IGFBP2: variants seen among roughly 807,000 people sequenced by gnomAD.
The protein encoded by IGFBP2 is insulin-like growth factor-binding protein 2.
In IGFBP2, 12 loss-of-function variants were observed where a neutral mutation model predicts 26.2. The ratio of observed to expected loss-of-function variants is 0.46; its 90% CI spans 0.29 to 0.74. The LOEUF is 0.74. Among genes scored for constraint, IGFBP2 ranks in the 30% least tolerant of loss-of-function variants. The pLI is 0.09. For synonymous variants in IGFBP2, 189 were observed against 200.6 expected (o/e 0.94, Z 0.49); for missense variants, 328 against 441.2 (o/e 0.74, Z 2.30).
intron 1 of IGFBP2, among the ~76,000 whole-genome samples, chr2:216,652,451 C>T (rs909575675): frequency 2.0e-5 from 3 of 152,268 alleles, no homozygotes; most frequent in Non-Finnish European, 4.4e-5. Flanking sequence ...GCTGGGATTA[C>T]AGGCGTGAGC....
At chr2:216,638,315 G>C (rs1225319888) in intron 1 of IGFBP2, among the ~76,000 whole-genome samples, 3 of 151,722 alleles carry the variant, frequency 2.0e-5, no homozygotes, top group Non-Finnish European at 4.4e-5. Flanking sequence ...GACCAGCCTG[G>C]CTAACATAGT....
chr2:216,654,078 G>GA (rs890089033), intron 1 of IGFBP2, among the ~76,000 whole-genome samples: 10 of 152,048 alleles, frequency 6.6e-5, no homozygotes, highest in African/African-American at 1.9e-4. Flanking sequence ...CTCTTAGGCA[G>GA]AAAAAAAATA....
intron 1 of IGFBP2, among the ~76,000 whole-genome samples, chr2:216,658,961 G>T (rs751762037): frequency 2.0e-5 from 3 of 152,226 alleles, no homozygotes; most frequent in Non-Finnish European, 4.4e-5. Context: ...CACAGAGAGG[G>T]TCTGTGTGGG....
Position 216,664,017 on chromosome 2 carries a change from C to T in IGFBP2, c.891C>T (p.Ala297=). The T allele has an allele frequency of 1.2e-6, 2 of 1,614,122 alleles. No homozygotes were observed. Among genetic ancestry groups the T allele is most frequent in the Non-Finnish European group, 8.5e-7 (1 of 1,180,012 alleles). The stretch of plus-strand genomic sequence containing the variant: ...ACACCGGGAAGCTGATCCAGGGAGC[C>T]CCCACCATCCGGGGGGACCCCGAGT... ...NPNTGKLIQG[A]PTIRGDPECH... The change falls in exon 4 of 4, where the codon GCC becomes GCT. Residue 297 remains alanine (A), a synonymous_variant. Transcript: ENST00000233809. The surrounding 1 kb of genome is among the most constrained non-coding windows in gnomAD (Gnocchi z 4.6).
intron 1 of IGFBP2, among the ~76,000 whole-genome samples, chr2:216,646,928 A>G (rs575468401): frequency 6.6e-6 from 1 of 152,342 alleles, no homozygotes; most frequent in Non-Finnish European, 1.5e-5. Flanking sequence ...AATTGAGCAC[A>G]TGCTGTGTGT....
chr2:216,641,187 G>A (rs1239231207), intron 1 of IGFBP2, among the ~76,000 whole-genome samples: 1 of 152,172 alleles, frequency 6.6e-6, no homozygotes, highest in Non-Finnish European at 1.5e-5. Context: ...GTATGTTCTT[G>A]TACATGTTAG....
At chr2:216,644,454 A>G (rs1217149904) in intron 1 of IGFBP2, among the ~76,000 whole-genome samples, 2 of 152,142 alleles carry the variant, frequency 1.3e-5, no homozygotes, top group East Asian at 3.9e-4. Flanking sequence ...CTGAGCCAGG[A>G]AGTCAAAGGG....
intron 1 of IGFBP2, among the ~76,000 whole-genome samples, chr2:216,652,456 G>A (rs1159003576): frequency 1.3e-5 from 2 of 152,326 alleles, no homozygotes; most frequent in East Asian, 1.9e-4. Flanking sequence ...GATTACAGGC[G>A]TGAGCCACCG....
intron 1 of IGFBP2, 120 bp downstream of exon 1, chr2:216,634,085 A>G: frequency 7.3e-7 from 1 of 1,377,686 alleles, no homozygotes; most frequent in Middle Eastern, 2.7e-4. Context: ...GGACCAAATC[A>G]AGGGGGACTG....
chr2:216,654,831 C>T (rs1391961570), intron 1 of IGFBP2, among the ~76,000 whole-genome samples: 1 of 152,100 alleles, frequency 6.6e-6, no homozygotes, highest in Non-Finnish European at 1.5e-5. Context: ...CCCTTGAATC[C>T]AGGTGGCCTC....
intron 1 of IGFBP2, among the ~76,000 whole-genome samples, chr2:216,635,556 T>A (rs562865262): frequency 6.6e-6 from 1 of 152,298 alleles, no homozygotes; most frequent in South Asian, 2.1e-4. Flanking sequence ...ATGGTTTGGC[T>A]GCTGACTGTT....
chr2:216,633,693 C>G lies in IGFBP2; in HGVS notation c.170C>G (p.Pro57Arg). The part of the protein sequence containing the change: ...PERLAACGPP[P>R]VAPPAAVAAV... ...CGCCTGGCCGCCTGCGGGCCCCCGC[C>G]GGTTGCGCCGCCCGCCGCGGTGGCC... The change falls in exon 1 of 4, where the codon CCG becomes CGG. Residue 57 changes from proline (P) to arginine (R), a missense_variant. Physicochemically the swap from Pro to Arg is moderately radical, Grantham distance 103. Transcript: ENST00000233809. The G allele has an allele frequency of 8.6e-7, 1 of 1,168,120 alleles. No individual in the cohort carries two copies. The highest frequency in any genetic ancestry group is 1.1e-6 in the Non-Finnish European group (1 of 948,918). The allele number at this position is 1,168,120 out of a possible 1,614,324, so 72.4% of individuals were successfully genotyped here.
rs1019749309 is a variant in IGFBP2, at chr2:216,646,757, G to A, written c.442+12792G>A. Among the ~76,000 whole-genome samples, 33 of 152,116 alleles carry A rather than the reference G, an allele frequency of 2.2e-4. 1 individual carries two copies. The highest frequency in any genetic ancestry group is 1.9e-3 in the Admixed American group (29 of 15,274). On this transcript the variant is annotated intron_variant, in intron 1 of 3. Transcript: ENST00000233809. ...TCTCATGAGACTTGTTCACTATCAC[G>A]AGAACAGCATGGGAAAGACCTACCC...
Position 216,664,118 on chromosome 2 carries a change from G to A in IGFBP2, c.*14G>A, listed in dbSNP as rs767152902. The A allele has an allele frequency of 3.8e-6, 6 of 1,564,552 alleles. No homozygotes were observed. The highest frequency in any genetic ancestry group is 1.8e-5 in the Admixed American group (1 of 55,162). On this transcript the variant is annotated 3_prime_UTR_variant, in exon 4 of 4. Transcript: ENST00000233809. This position sits in a 1 kb window ranked among gnomAD's most constrained non-coding sequence, Gnocchi z 4.6. ...CGGATGCAGTAGACCGCAGCCAGCCGGTGCCTGGCGCCCCTGCCCCCCGCC... is the reference window on the plus strand; with the variant it reads ...CGGATGCAGTAGACCGCAGCCAGCCAGTGCCTGGCGCCCCTGCCCCCCGCC...
At chr2:216,640,792 G>C (rs1229083962) in intron 1 of IGFBP2, among the ~76,000 whole-genome samples, 1 of 152,222 alleles carries the variant, frequency 6.6e-6, no homozygotes, top group Non-Finnish European at 1.5e-5. Context: ...ATGTGCAGGT[G>C]ATGTATGGGG....
chr2:216,658,311 C>T (rs928805224), intron 1 of IGFBP2, among the ~76,000 whole-genome samples: 1 of 152,100 alleles, frequency 6.6e-6, no homozygotes, highest in Non-Finnish European at 1.5e-5. Context: ...GATGATTCTC[C>T]CCTCATCTTG....
Position 216,660,608 on chromosome 2 carries a change from G to A in IGFBP2, c.494G>A (p.Ser165Asn). 1 of 1,613,942 alleles carries A rather than the reference G, an allele frequency of 6.2e-7. No homozygotes were observed. Among genetic ancestry groups the A allele is most frequent in the Non-Finnish European group, 8.5e-7 (1 of 1,179,978 alleles). Reference sequence around the variant, plus strand: ...GGCCTGGTGGAGAACCACGTGGACAGCACCATGAACATGTTGGGCGGGGGA... The same window carrying A: ...GGCCTGGTGGAGAACCACGTGGACAACACCATGAACATGTTGGGCGGGGGA... ...EGGLVENHVD[S>N]TMNMLGGGGS... Residue 165 changes from serine (S) to asparagine (N), a missense_variant, in exon 2 of 4, where the codon AGC becomes AAC. Ser to Asn is a conservative substitution (Grantham distance 46, BLOSUM62 1). Transcript: ENST00000233809.
At chr2:216,640,040 C>G (rs984987424) in intron 1 of IGFBP2, among the ~76,000 whole-genome samples, 5 of 152,132 alleles carry the variant, frequency 3.3e-5, no homozygotes, top group African/African-American at 1.2e-4. Context: ...CCTGCCTTCT[C>G]CATGCTGTCC....
intron 1 of IGFBP2, among the ~76,000 whole-genome samples, chr2:216,644,634 C>T (rs1378450621): frequency 6.6e-6 from 1 of 152,156 alleles, no homozygotes; most frequent in Admixed American, 6.5e-5. Flanking sequence ...GCAAAGGGAG[C>T]CACCTCAAAG....
Sources: gnomAD v4.1 joint callset for allele counts (sites outside exome capture counted in the v4.1 genomes callset) on GRCh38, gnomAD v4.1.1 for gene constraint, Gnocchi (gnomAD v3.1) non-coding constraint, MANE v1.5 for transcripts, NCBI Gene and HGNC (gene_info 2026-07-23, HGNC 2026-07-21) for gene names.